The following TBC1D21 variants were observed in gnomAD, a reference collection of about 807,000 sequenced individuals.
TBC1D21 encodes male germ cell Rab GTPase-activating protein.
Under a neutral mutation model 46.0 loss-of-function variants are expected in TBC1D21, and 38 were observed. The ratio of observed to expected loss-of-function variants is 0.83; its 90% CI spans 0.64 to 1.08. TBC1D21 has a LOEUF of 1.08. Ranked by LOEUF, TBC1D21 falls within the 50% of genes least tolerant of loss-of-function variation. TBC1D21 has a pLI of 0.00. For synonymous variants in TBC1D21, 151 were observed against 157.2 expected, an observed-to-expected ratio of 0.96 and a Z score of 0.29; for missense variants, 415 against 417.9, an observed-to-expected ratio of 0.99 and a Z score of 0.06.
chr15:73,899,985 G>A, the TBC1D21 span, among the ~76,000 whole-genome samples: 1 of 152,110 alleles, frequency 6.6e-6, no homozygotes, highest in Non-Finnish European at 1.5e-5. Context: ...GAGTCCTGGG[G>A]CCCCGCCCCC....
chr15:73,891,121 T>C (rs1224956577), downstream of TBC1D21, among the ~76,000 whole-genome samples: 1 of 152,216 alleles, frequency 6.6e-6, no homozygotes, highest in Non-Finnish European at 1.5e-5. Context: ...TAGATTAGGA[T>C]CTTCCCACCA....
intron 6 of TBC1D21, among the ~76,000 whole-genome samples, chr15:73,885,567 C>T (rs2068229823): frequency 6.6e-6 from 1 of 152,102 alleles, no homozygotes; most frequent in Admixed American, 6.5e-5. Context: ...CCTCACTGTC[C>T]AAGTTGAGGG....
intron 8 of TBC1D21, 76 bp from the exon 9 acceptor site, chr15:73,887,544 G>C (rs1478810063): frequency 7.8e-7 from 1 of 1,280,122 alleles, no homozygotes; most frequent in Admixed American, 1.7e-5. Context: ...GCACGTGGTT[G>C]GTGGGTACCT....
chr15:73,890,321 T>C (rs971248099), downstream of TBC1D21, among the ~76,000 whole-genome samples: 2 of 152,078 alleles, frequency 1.3e-5, no homozygotes, highest in African/African-American at 4.8e-5. Context: ...CTGCTGTATC[T>C]TTGCTGGAAG....
chr15:73,901,080 G>A, the TBC1D21 span, among the ~76,000 whole-genome samples: 2 of 152,174 alleles, frequency 1.3e-5, no homozygotes, highest in Non-Finnish European at 2.9e-5. Context: ...CAGGCCCACA[G>A]AGCAAAGAAA....
chr15:73,906,842 C>G, the TBC1D21 span, among the ~76,000 whole-genome samples: 1 of 152,162 alleles, frequency 6.6e-6, no homozygotes, highest in Admixed American at 6.5e-5. Context: ...TCCAGAACCC[C>G]CAAGTGTAGA....
chr15:73,907,433 G>A, the TBC1D21 span, among the ~76,000 whole-genome samples: 1 of 152,226 alleles, frequency 6.6e-6, no homozygotes, highest in Non-Finnish European at 1.5e-5. Flanking sequence ...TGAAATTGGA[G>A]AGACAGGAAC....
the TBC1D21 span, among the ~76,000 whole-genome samples, chr15:73,897,186 G>A: frequency 6.6e-6 from 1 of 152,140 alleles, no homozygotes; most frequent in African/African-American, 2.4e-5. Context: ...CCCTAAGTGG[G>A]CTGCAGTGTG....
At chr15:73,894,631 C>G in the TBC1D21 span, among the ~76,000 whole-genome samples, 1 of 152,202 alleles carries the variant, frequency 6.6e-6, no homozygotes, top group African/African-American at 2.4e-5. Flanking sequence ...GCAGCAGCAG[C>G]AAAGCCTGGG....
intron 1 of TBC1D21, among the ~76,000 whole-genome samples, chr15:73,876,363 G>C (rs1436561556): frequency 6.7e-6 from 1 of 149,432 alleles, no homozygotes; most frequent in Non-Finnish European, 1.5e-5. Context: ...AAGTAGCTGG[G>C]ACCACAGGTG....
chr15:73,892,232 T>C (rs934237442), downstream of TBC1D21, among the ~76,000 whole-genome samples: 4 of 152,224 alleles, frequency 2.6e-5, no homozygotes, highest in Non-Finnish European at 4.4e-5. Context: ...AGCAACTCTT[T>C]GCCTTGCTCA....
intron 1 of TBC1D21, among the ~76,000 whole-genome samples, chr15:73,875,544 A>T (rs1159799787): frequency 6.6e-6 from 1 of 152,216 alleles, no homozygotes; most frequent in Admixed American, 6.5e-5. Context: ...GCCTGAAGCC[A>T]AGGCCTCTAG....
chr15:73,884,229 G>A lies in TBC1D21; in HGVS notation c.351G>A (p.Glu117=), dbSNP rs938957420. 1.2e-6 allele frequency: 2 copies of A among 1,614,228 alleles called. No individual in the cohort carries two copies. The highest frequency in any genetic ancestry group is 1.7e-6 in the Non-Finnish European group (2 of 1,180,038). ...LLENLHRNFT[E]TRNNIARDIQ... is the part of the protein sequence containing the mutation. ...AAAACCTGCACCGGAACTTCACAGAGACTCGCAATAACATTGGTGAGCAAA... is the reference window on the plus strand; with the variant it reads ...AAAACCTGCACCGGAACTTCACAGAAACTCGCAATAACATTGGTGAGCAAA... The change falls in exon 4 of 11, where the codon GAG becomes GAA. Residue 117 remains glutamate (E), a synonymous_variant. Transcript: ENST00000300504.
At chr15:73,881,557 G>T (rs773996942) in intron 2 of TBC1D21, 51 bp downstream of exon 2, 1 of 1,600,058 alleles carries the variant, frequency 6.2e-7, no homozygotes, top group African/African-American at 1.3e-5. Flanking sequence ...GAGCATGGAT[G>T]GGCAGGGGGC....
At chr15:73,909,884 G>A in the TBC1D21 span, 1 of 152,212 alleles carries the variant, frequency 6.6e-6, no homozygotes, top group African/African-American at 2.4e-5. Flanking sequence ...AACCTGGTGG[G>A]GCTGCTGTGG....
At chr15:73,909,720 C>A in the TBC1D21 span, 1 of 152,050 alleles carries the variant, frequency 6.6e-6, no homozygotes, top group Non-Finnish European at 1.5e-5. Flanking sequence ...TGTTTTCAGA[C>A]TCAAGGACAC....
intron 1 of TBC1D21, among the ~76,000 whole-genome samples, chr15:73,875,742 A>G (rs1377539374): frequency 1.3e-5 from 2 of 152,214 alleles, no homozygotes; most frequent in Admixed American, 6.5e-5. Flanking sequence ...GGACACTAGG[A>G]AAGGCACCAC....
downstream of TBC1D21, among the ~76,000 whole-genome samples, chr15:73,892,092 C>A (rs2068341970): frequency 6.6e-6 from 1 of 152,214 alleles, no homozygotes; most frequent in African/African-American, 2.4e-5. Flanking sequence ...AATCAGCATG[C>A]ACTTCCTCCC....
chr15:73,898,602 G>A, the TBC1D21 span, among the ~76,000 whole-genome samples: 2 of 152,050 alleles, frequency 1.3e-5, no homozygotes, highest in Admixed American at 1.3e-4. Flanking sequence ...GGTGGCTCAT[G>A]TCTGTAATCC....
Sources: gnomAD v4.1 joint callset for allele counts (sites outside exome capture counted in the v4.1 genomes callset) on GRCh38, gnomAD v4.1.1 for gene constraint, MANE v1.5 for transcripts, NCBI Gene and HGNC (gene_info 2026-07-23, HGNC 2026-07-21) for gene names.